TMEM87B: variants seen among roughly 807,000 people sequenced by gnomAD.
The protein encoded by TMEM87B is transmembrane protein 87B.
In TMEM87B, 83 loss-of-function variants were observed where a neutral mutation model predicts 80.3. The ratio of observed to expected loss-of-function variants is 1.03; its 90% CI spans 0.87 to 1.24. TMEM87B has a LOEUF of 1.24. Ranked by LOEUF, TMEM87B falls within the 50% of genes most tolerant of loss-of-function variation. The probability of loss-of-function intolerance (pLI) is 0.00; values close to 1 mark genes in which losing one functional copy is unlikely to be tolerated. For missense variants in TMEM87B, 625 were observed against 674.4 expected, an observed-to-expected ratio of 0.93 and a Z score of 0.81; for synonymous variants, 219 against 230.5, an observed-to-expected ratio of 0.95 and a Z score of 0.45.
chr2:112,057,829 T>G (rs1235775683), intron 1 of TMEM87B, among the ~76,000 whole-genome samples: 1 of 77,618 alleles, frequency 1.3e-5, no homozygotes, highest in Non-Finnish European at 3.2e-5. Flanking sequence ...GCCTCAGTCT[T>G]TTTTTTTTTT....
chr2:112,073,573 A>T (rs573730050), intron 4 of TMEM87B, among the ~76,000 whole-genome samples: 4 of 152,086 alleles, frequency 2.6e-5, no homozygotes, highest in Non-Finnish European at 5.9e-5. Flanking sequence ...TGTATATTCT[A>T]TTATTTTTGG....
At chr2:112,068,943 A>G (rs1678528220) in intron 4 of TMEM87B, among the ~76,000 whole-genome samples, 1 of 152,054 alleles carries the variant, frequency 6.6e-6, no homozygotes, top group Admixed American at 6.6e-5. Context: ...CTGTAATCCC[A>G]GCACTTTGGG....
chr2:112,096,013 C>G (rs1485551802), intron 11 of TMEM87B, among the ~76,000 whole-genome samples: 1 of 152,022 alleles, frequency 6.6e-6, no homozygotes, highest in Non-Finnish European at 1.5e-5. Flanking sequence ...AGACACCCCC[C>G]TCCAAACCCC....
chr2:112,103,867 T>A (rs1444369272), intron 15 of TMEM87B, among the ~76,000 whole-genome samples: 1 of 152,224 alleles, frequency 6.6e-6, no homozygotes, highest in Non-Finnish European at 1.5e-5. Flanking sequence ...ATTACAGCAA[T>A]CCAGACAGTG....
At chr2:112,101,110 TTC>T (rs1463005954) in intron 15 of TMEM87B, among the ~76,000 whole-genome samples, 2 of 152,218 alleles carry the variant, frequency 1.3e-5, no homozygotes, top group Non-Finnish European at 2.9e-5. Flanking sequence ...TTTTCATTCT[TTC>T]TGTTATTTTC....
rs927467818 is a variant in TMEM87B, at chr2:112,067,036, A to G, written c.419A>G (p.Asn140Ser). ...ACAAAAAATGAAAACTTAGATTGCA[A>G]CAGTGATTCACAGGTGTTTCCCTCT... ...WTTKNENLDC[N>S]SDSQVFPSLN... Residue 140 changes from asparagine (N) to serine (S), a missense_variant, in exon 4 of 19, where the codon AAC becomes AGC. Transcript: ENST00000283206. The G allele has an allele frequency of 1.2e-5, 20 of 1,610,706 alleles. No individual in the cohort carries two copies. The highest frequency in any genetic ancestry group is 1.5e-5 in the Non-Finnish European group (18 of 1,179,226).
At chr2:112,089,311 A>C (rs2104484800) in intron 9 of TMEM87B, among the ~76,000 whole-genome samples, 1 of 151,938 alleles carries the variant, frequency 6.6e-6, no homozygotes, top group South Asian at 2.1e-4. Context: ...TCATCAACCT[A>C]CTCTTCCATT....
chr2:112,098,011 C>G (rs1426470639), intron 13 of TMEM87B, among the ~76,000 whole-genome samples: 1 of 151,714 alleles, frequency 6.6e-6, no homozygotes, highest in Non-Finnish European at 1.5e-5. Context: ...AGTCTCACTC[C>G]GTCAGCCAGT....
At position 112,119,089 on chromosome 2, in the gene TMEM87B, C is replaced by T. The variant is rs1680094913; in HGVS notation, c.*2946C>T. 6.6e-6 allele frequency: 1 copy of T among 152,106 alleles called. No individual in the cohort carries two copies. The highest frequency in any genetic ancestry group is 6.5e-5 in the Admixed American group (1 of 15,278). 9.4% of individuals were successfully genotyped at this position (152,106 alleles called of 1,614,324 possible). A position where few individuals can be genotyped will look rare whatever the true frequency, so the allele number is the denominator to read the frequency against. On this transcript the variant is annotated 3_prime_UTR_variant, in exon 19 of 19. Transcript: ENST00000283206. ...TACATTATAATATTGGAGCTCAGTA[C>T]TGCATGAAGAGACTTCATTAAAACT...
At chr2:112,064,339 A>G in intron 3 of TMEM87B, 86 bp downstream of exon 3, 1 of 1,120,314 alleles carries the variant, frequency 8.9e-7, no homozygotes, top group Non-Finnish European at 1.3e-6. Flanking sequence ...CGAGGAGGCT[A>G]GAAATAGAGA....
At chr2:112,096,989 T>G in intron 11 of TMEM87B, 55 bp from the exon 12 acceptor site, 1 of 1,228,022 alleles carries the variant, frequency 8.1e-7, no homozygotes, top group Non-Finnish European at 1.2e-6. Flanking sequence ...AGATTCTGTT[T>G]TTTTTTTTTA....
intron 6 of TMEM87B, among the ~76,000 whole-genome samples, chr2:112,080,450 G>A (rs546640490): frequency 4.6e-5 from 7 of 150,752 alleles, no homozygotes; most frequent in South Asian, 4.2e-4. Context: ...TAGTAGAGAC[G>A]GTGTTTCACC....
intron 11 of TMEM87B, among the ~76,000 whole-genome samples, chr2:112,093,001 T>TTA (rs940358463): frequency 2.6e-5 from 4 of 152,236 alleles, no homozygotes; most frequent in Non-Finnish European, 4.4e-5. Flanking sequence ...TTTTTGATAC[T>TTA]TATGTCTTTT....
intron 11 of TMEM87B, among the ~76,000 whole-genome samples, chr2:112,092,000 T>G (rs1427759406): frequency 6.6e-6 from 1 of 152,224 alleles, no homozygotes; most frequent in East Asian, 1.9e-4. Context: ...TCTCAGTATG[T>G]GCCCCATACT....
At position 112,055,651 on chromosome 2, in the gene TMEM87B, C is replaced by T. The variant is rs1417561819; in HGVS notation, c.60C>T (p.Pro20=). Residue 20 remains proline, a synonymous_variant, in exon 1 of 19, where the codon CCC becomes CCT. Coordinates refer to ENST00000283206, the MANE Select transcript of TMEM87B (RefSeq NM_032824.3). The part of the protein sequence containing the change: ...GLLPRRRRCF[P]ARAPLLRVAL... ...TGCCACGCCGCCGCCGCTGCTTTCC[C>T]GCCCGGGCCCCGCTGCTGCGCGTCG... 4 of 1,568,712 alleles carry T rather than the reference C, an allele frequency of 2.5e-6. No individual in the cohort carries two copies. The highest frequency in any genetic ancestry group is 2.3e-5 in the South Asian group (2 of 86,638).
chr2:112,061,304 T>A (rs1243886152), intron 2 of TMEM87B, among the ~76,000 whole-genome samples: 1 of 152,212 alleles, frequency 6.6e-6, no homozygotes, highest in African/African-American at 2.4e-5. Context: ...AGTCTCAGGA[T>A]AAGGAGCAGT....
At chr2:112,066,845 C>T (rs993892231) in intron 3 of TMEM87B, 91 bp from the exon 4 acceptor site, 3 of 1,168,212 alleles carry the variant, frequency 2.6e-6, no homozygotes, top group Non-Finnish European at 3.5e-6. Flanking sequence ...ACTGAATATA[C>T]TTTTGGTATT....
chr2:112,073,452 T>C (rs978962253), intron 4 of TMEM87B, among the ~76,000 whole-genome samples: 1 of 152,204 alleles, frequency 6.6e-6, no homozygotes, highest in Non-Finnish European at 1.5e-5. Flanking sequence ...ATTTTATTGT[T>C]GTGGTCTGAG....
chr2:112,086,077 T>C lies in TMEM87B; in HGVS notation c.911T>C (p.Ile304Thr), dbSNP rs773234250. ...ACGTTGGCTCGCCTTCTCGTGATCA[T>C]TGTGAGCCTGGGCTATGGCATTGTG... ...KRTLARLLVI[I>T]VSLGYGIVKP... The change falls in exon 9 of 19, where the codon ATT (isoleucine) becomes ACT (threonine). Residue 304 changes from isoleucine to threonine, a missense_variant. Ile to Thr is a moderately conservative substitution (Grantham distance 89). Transcript: ENST00000283206. 5.6e-6 allele frequency: 9 copies of C among 1,614,096 alleles called. No homozygotes were observed. In the African/African-American group the frequency reaches 8.0e-5, roughly 14 times the overall value.
Sources: allele counts gnomAD v4.1 joint callset (sites outside exome capture counted in the v4.1 genomes callset), GRCh38; gene constraint gnomAD v4.1.1; transcripts MANE v1.5; gene names NCBI Gene and HGNC (gene_info 2026-07-23, HGNC 2026-07-21).